Variants in YIPF6 observed in about 807,000 individuals in gnomAD.
The protein encoded by YIPF6 is Yip1 domain family member 6.
Under a neutral mutation model 16.8 loss-of-function variants are expected in YIPF6, and 3 were observed. The ratio of observed to expected loss-of-function variants is 0.18; its 90% CI spans 0.08 to 0.46. The LOEUF (loss-of-function observed/expected upper bound fraction) is 0.46, where lower values mean the gene tolerates loss of function less well. YIPF6 is among the 20% of genes least tolerant of loss of function. The pLI, the probability that YIPF6 is intolerant of heterozygous loss-of-function variation, is 0.98. For missense variants in YIPF6, 145 were observed against 184.9 expected, an observed-to-expected ratio of 0.78 and a Z score of 1.25; for synonymous variants, 67 against 61.9, an observed-to-expected ratio of 1.08 and a Z score of -0.38.
At chrX:68,513,242 T>G (rs776965926) in intron 2 of YIPF6, 85 bp from the exon 3 acceptor site, 1 of 742,517 alleles carries the variant, frequency 1.3e-6, no homozygotes, top group East Asian at 3.5e-5. Context: ...CACAGGAGAT[T>G]GAAATGAAAG....
At chrX:68,501,779 C>G (rs2079042054) in intron 1 of YIPF6, among the ~76,000 whole-genome samples, 1 of 111,399 alleles carries the variant, frequency 9.0e-6, no homozygotes, top group African/African-American at 3.3e-5. Context: ...AGGAGATAAG[C>G]CTTCAGAGGT....
chrX:68,523,140 TAA>T (rs1285342052), intron 6 of YIPF6, among the ~76,000 whole-genome samples: 3 of 99,287 alleles, frequency 3.0e-5, no homozygotes, highest in African/African-American at 3.6e-5. Context: ...TTTCTTTCTT[TAA>T]AAAAAAAAAA....
chrX:68,507,191 T>C (rs1409452206), intron 1 of YIPF6, among the ~76,000 whole-genome samples: 1 of 111,886 alleles, frequency 8.9e-6, no homozygotes, highest in African/African-American at 3.2e-5. Context: ...AAACCTGAAA[T>C]ATTTACTGTT....
Position 68,499,104 on chromosome X carries a change from C to A in YIPF6, c.38C>A (p.Thr13Lys). ...GAGGAGTCTCCAGGAGACCCGGGGA[C>A]AGCATCGCCCAGGCCCCTGGTGAGC... ...EAEESPGDPG[T>K]ASPRPLFAGL... Residue 13 changes from threonine to lysine, a missense_variant, in exon 1 of 7, where the codon ACA (threonine) becomes AAA (lysine). Thr to Lys is a moderately conservative substitution (Grantham distance 78). Coordinates refer to ENST00000462683, the MANE Select transcript of YIPF6 (RefSeq NM_173834.4). 1.7e-6 allele frequency: 2 copies of A among 1,185,460 alleles called. No individual in the cohort carries two copies. Among genetic ancestry groups the A allele is most frequent in the Non-Finnish European group, 2.3e-6 (2 of 882,188 alleles).
chrX:68,499,615 A>G (rs1329165001), intron 1 of YIPF6, among the ~76,000 whole-genome samples: 1 of 111,405 alleles, frequency 9.0e-6, no homozygotes, highest in Non-Finnish European at 1.9e-5. Context: ...TCTCTTCACC[A>G]TACTTGTTCT....
At chrX:68,531,547 C>G (rs920876110) in intron 6 of YIPF6, among the ~76,000 whole-genome samples, 2 of 112,107 alleles carry the variant, frequency 1.8e-5, no homozygotes, top group Non-Finnish European at 3.8e-5. Flanking sequence ...CAGAGCAGCA[C>G]GAGGCCGTTT....
chrX:68,509,972 T>G (rs1453853029), intron 1 of YIPF6, among the ~76,000 whole-genome samples: 2 of 111,869 alleles, frequency 1.8e-5, no homozygotes, highest in Non-Finnish European at 3.8e-5. Context: ...ATTTGAATTC[T>G]TACCCATCTG....
At chrX:68,499,736 C>T (rs947124299) in intron 1 of YIPF6, among the ~76,000 whole-genome samples, 1 of 112,156 alleles carries the variant, frequency 8.9e-6, no homozygotes, top group Non-Finnish European at 1.9e-5. Context: ...CTCCCAGGCT[C>T]ACGTGATCCT....
At chrX:68,510,267 G>A (rs1011557792) in intron 1 of YIPF6, among the ~76,000 whole-genome samples, 8 of 111,456 alleles carry the variant, frequency 7.2e-5, no homozygotes, top group African/African-American at 2.6e-4. Context: ...CTATCTTTGT[G>A]GTTGTGTGTT....
intron 4 of YIPF6, among the ~76,000 whole-genome samples, chrX:68,519,126 C>T (rs2079115873): frequency 8.9e-6 from 1 of 111,990 alleles, no homozygotes. Flanking sequence ...AAGGTTTAAG[C>T]ACCCTTTGTT....
intron 6 of YIPF6, among the ~76,000 whole-genome samples, chrX:68,525,473 A>G (rs746639174): frequency 2.7e-4 from 30 of 112,004 alleles, no homozygotes; most frequent in African/African-American, 9.4e-4. Context: ...TGCTGTGCAG[A>G]AGCTCTTTAG....
chrX:68,518,056 C>A lies in YIPF6; in HGVS notation c.266-714C>A, dbSNP rs755813460. 3.6e-5 allele frequency among the ~76,000 whole-genome samples: 4 copies of A among 110,129 alleles called. No individual in the cohort carries two copies. In the Admixed American group the frequency reaches 3.9e-4, roughly 11 times the overall value. ...TTGGGAGGCCAAGGTAGGCAGATCA[C>A]CTGAGGTCAGTTCGAAATCATGCTG... On this transcript the variant is annotated intron_variant, in intron 3 of 6. Coordinates refer to ENST00000462683, the MANE Select transcript of YIPF6 (RefSeq NM_173834.4).
chrX:68,504,677 A>G (rs1206452945), intron 1 of YIPF6, among the ~76,000 whole-genome samples: 1 of 112,223 alleles, frequency 8.9e-6, no homozygotes, highest in Non-Finnish European at 1.9e-5. Flanking sequence ...TTGAGCTAAC[A>G]TTTATCCAGC....
intron 6 of YIPF6, among the ~76,000 whole-genome samples, chrX:68,524,843 C>T (rs2079141323): frequency 9.0e-6 from 1 of 111,442 alleles, no homozygotes; most frequent in Non-Finnish European, 1.9e-5. Context: ...GATATGAACT[C>T]AACCTTTTAC....
intron 4 of YIPF6, among the ~76,000 whole-genome samples, chrX:68,520,988 A>C (rs2079123440): frequency 9.0e-6 from 1 of 111,623 alleles, no homozygotes. Flanking sequence ...CTAGAAATTC[A>C]TATTCTTATG....
intron 2 of YIPF6, 25 bp downstream of exon 2, chrX:68,512,002 T>TTC (rs757066232): frequency 4.8e-5 from 57 of 1,187,077 alleles, no homozygotes; most frequent in Non-Finnish European, 6.3e-5. Flanking sequence ...TTGAGAGAAC[T>TTC]TCTGTTCAGT....
chrX:68,518,012 C>T (rs903716475), intron 3 of YIPF6, among the ~76,000 whole-genome samples: 3 of 106,781 alleles, frequency 2.8e-5, no homozygotes, highest in Non-Finnish European at 3.9e-5. Flanking sequence ...CGGTGGCTCA[C>T]GCCTGTAACC....
intron 6 of YIPF6, among the ~76,000 whole-genome samples, chrX:68,530,910 C>T (rs916690988): frequency 1.8e-5 from 2 of 111,092 alleles, no homozygotes; most frequent in Non-Finnish European, 3.8e-5. Flanking sequence ...TGTTCCTATT[C>T]GGCCATCTTG....
intron 1 of YIPF6, among the ~76,000 whole-genome samples, chrX:68,508,471 T>C (rs1440683838): frequency 8.9e-6 from 1 of 111,862 alleles, no homozygotes; most frequent in Non-Finnish European, 1.9e-5. Context: ...ATAAGACCAT[T>C]TAATGTTTTC....
Sources: gnomAD v4.1 joint callset for allele counts (sites outside exome capture counted in the v4.1 genomes callset) on GRCh38, gnomAD v4.1.1 for gene constraint, MANE v1.5 for transcripts, NCBI Gene and HGNC (gene_info 2026-07-23, HGNC 2026-07-21) for gene names.